DOP1B: variants seen among roughly 807,000 people sequenced by gnomAD.
The protein encoded by DOP1B is protein DOP1B.
A neutral mutation model predicts 233.5 loss-of-function variants in DOP1B; 174 were observed. The observed-to-expected ratio is 0.75, with a 90% CI of 0.66 to 0.85. DOP1B has a LOEUF of 0.85. Ranked by LOEUF, DOP1B falls within the 40% of genes least tolerant of loss-of-function variation. The pLI, the probability that DOP1B is intolerant of heterozygous loss-of-function variation, is 0.00. For missense variants in DOP1B, 2,652 were observed against 2,846.6 expected, an observed-to-expected ratio of 0.93 and a Z score of 1.56; for synonymous variants, 1,190 against 1,185.6, an observed-to-expected ratio of 1.00 and a Z score of -0.08.
chr21:36,292,261 T>C lies in DOP1B; in HGVS notation c.6645+28T>C, dbSNP rs370081525. On this transcript the variant is annotated intron_variant, in intron 36 of 36. Transcript: ENST00000691173. Reference sequence around the variant, plus strand: ...AAGTGCTTTTCTTTTCTTTTCTTTTTTTTTTTTTTTGGTGAGACAGAGTTT... The same window carrying C: ...AAGTGCTTTTCTTTTCTTTTCTTTTCTTTTTTTTTTGGTGAGACAGAGTTT... The C allele has an allele frequency of 2.8e-4, 431 of 1,532,656 alleles. No homozygotes were observed. In the East Asian group the frequency reaches 3.9e-3, roughly 14 times the overall value. 94.9% of individuals were successfully genotyped at this position (1,532,656 alleles called of 1,614,324 possible). A position where few individuals can be genotyped will look rare whatever the true frequency, so the allele number is the denominator to read the frequency against.
At position 36,251,057 on chromosome 21, in the gene DOP1B, T is replaced by C; in HGVS notation, c.4999-105T>C. ...CTCAGCACAACATTGGGCACAAACATGACAGGGTCCTTGCTCTCGGTATGG... is the reference window on the plus strand; with the variant it reads ...CTCAGCACAACATTGGGCACAAACACGACAGGGTCCTTGCTCTCGGTATGG... On this transcript the variant is annotated intron_variant, in intron 21 of 36. Transcript: ENST00000691173. 8 of 1,444,526 alleles carry C rather than the reference T, an allele frequency of 5.5e-6. No homozygotes were observed. The South Asian group carries it at 1.0e-4, about 18-fold the overall frequency. 89.5% of individuals were successfully genotyped at this position (1,444,526 alleles called of 1,614,324 possible).
intron 12 of DOP1B, among the ~76,000 whole-genome samples, chr21:36,227,075 G>A (rs1478795623): frequency 6.6e-6 from 1 of 151,558 alleles, no homozygotes; most frequent in Non-Finnish European, 1.5e-5. Flanking sequence ...GGGTGTGGTG[G>A]CGGGCGCCTG....
intron 4 of DOP1B, among the ~76,000 whole-genome samples, chr21:36,204,567 T>G (rs1405763319): frequency 6.6e-6 from 1 of 151,732 alleles, no homozygotes; most frequent in East Asian, 1.9e-4. Context: ...CACTGCAGTC[T>G]CAACCTCCAA....
At chr21:36,276,914 T>C in intron 27 of DOP1B, 107 bp from the exon 28 acceptor site, 1 of 990,538 alleles carries the variant, frequency 1.0e-6, no homozygotes, top group Non-Finnish European at 1.6e-6. Context: ...ACACAATTGG[T>C]ATGAAAGGCG....
chr21:36,261,979 T>G (rs1254815592), intron 24 of DOP1B: 2 of 984,240 alleles, frequency 2.0e-6, no homozygotes, highest in Non-Finnish European at 2.4e-6. Context: ...TATGCCTACA[T>G]AGCCATCAGG....
intron 9 of DOP1B, among the ~76,000 whole-genome samples, chr21:36,215,505 A>C (rs2066549206): frequency 6.6e-6 from 1 of 151,942 alleles, no homozygotes; most frequent in Admixed American, 6.6e-5. Context: ...GGTTCGAACA[A>C]TTAATTCTCC....
At chr21:36,287,027 A>G (rs902581140) in intron 32 of DOP1B, among the ~76,000 whole-genome samples, 3 of 152,156 alleles carry the variant, frequency 2.0e-5, no homozygotes, top group Non-Finnish European at 4.4e-5. Context: ...GATCTTAGCT[A>G]GCATGACTAC....
Position 36,227,710 on chromosome 21 carries a change from C to T in DOP1B, c.1498C>T (p.Gln500Ter). ...PLELYSEVQT[Q>*]YLPQVLGCLV... ...GGAACTTTACTCTGAGGTGCAAACC[C>T]AGTATCTCCCTCAGGTGCTCGGCTG... The change falls in exon 13 of 37, where the codon CAG becomes TAG. Residue 500 changes from glutamine to a stop codon, truncating the protein, a stop_gained. Transcript: ENST00000691173. LOFTEE classifies it high-confidence loss of function. 1 of 1,579,472 alleles carries T rather than the reference C, an allele frequency of 6.3e-7. No individual in the cohort carries two copies. The highest frequency in any genetic ancestry group is 1.1e-5 in the South Asian group (1 of 87,820).
At chr21:36,217,530 G>A (rs1462808189) in intron 9 of DOP1B, among the ~76,000 whole-genome samples, 2 of 152,170 alleles carry the variant, frequency 1.3e-5, no homozygotes, top group Non-Finnish European at 2.9e-5. Context: ...TTGCCTGATT[G>A]CACTCAGAGA....
At position 36,290,982 on chromosome 21, in the gene DOP1B, G is replaced by C. The variant is rs1311684727; in HGVS notation, c.6516-1122G>C. On this transcript the variant is annotated intron_variant, in intron 35 of 36. Coordinates refer to ENST00000691173, the MANE Select transcript of DOP1B (RefSeq NM_001320714.2). ...GAGACTCCCCCTCAAAAAAAAAAGA[G>C]GCCGGGCACAGTGGCTCATGTCTGT... 3.3e-5 allele frequency among the ~76,000 whole-genome samples: 5 copies of C among 150,084 alleles called. No homozygotes were observed. In the South Asian group the frequency reaches 1.1e-3, roughly 32 times the overall value.
At chr21:36,182,189 G>A (rs1293578403) in intron 2 of DOP1B, among the ~76,000 whole-genome samples, 1 of 152,038 alleles carries the variant, frequency 6.6e-6, no homozygotes, top group Non-Finnish European at 1.5e-5. Flanking sequence ...GAGCACCTGG[G>A]GTCATGTTCA....
intron 2 of DOP1B, among the ~76,000 whole-genome samples, chr21:36,166,861 G>T (rs1409055126): frequency 6.6e-6 from 1 of 152,364 alleles, no homozygotes; most frequent in East Asian, 1.9e-4. Context: ...CTCGTGGCCA[G>T]TAAGCTGCTG....
chr21:36,198,035 A>G (rs1601403495), intron 2 of DOP1B, among the ~76,000 whole-genome samples: 1 of 151,520 alleles, frequency 6.6e-6, no homozygotes, highest in East Asian at 1.9e-4. Context: ...AAAAAAAAAA[A>G]GAAGCGTGAA....
intron 7 of DOP1B, 125 bp downstream of exon 7, chr21:36,212,222 A>G: frequency 1.8e-6 from 2 of 1,127,654 alleles, no homozygotes; most frequent in Admixed American, 3.0e-5. Context: ...AGATACCACA[A>G]TGACTAAATA....
At chr21:36,194,441 C>G (rs749076679) in intron 2 of DOP1B, among the ~76,000 whole-genome samples, 2 of 150,986 alleles carry the variant, frequency 1.3e-5, no homozygotes, top group Non-Finnish European at 2.9e-5. Flanking sequence ...TTTCTAAGTC[C>G]TGTTGGTTCA....
chr21:36,250,461 G>A (rs2067019490), intron 21 of DOP1B, among the ~76,000 whole-genome samples: 1 of 152,150 alleles, frequency 6.6e-6, no homozygotes. Context: ...TGTGTGAACA[G>A]GAGGCCTGGC....
At chr21:36,276,240 CTG>C (rs1173437129) in intron 27 of DOP1B, among the ~76,000 whole-genome samples, 1 of 152,068 alleles carries the variant, frequency 6.6e-6, no homozygotes, top group African/African-American at 2.4e-5. Context: ...GTTGTTGAAA[CTG>C]AATGTTGGCA....
intron 2 of DOP1B, among the ~76,000 whole-genome samples, chr21:36,174,214 G>A (rs1425209618): frequency 1.3e-5 from 2 of 152,194 alleles, no homozygotes; most frequent in Non-Finnish European, 1.5e-5. Context: ...GAGGCCAGGC[G>A]TGGTGGCTCA....
At chr21:36,247,397 C>A in intron 19 of DOP1B, 120 bp from the exon 20 acceptor site, 1 of 519,288 alleles carries the variant, frequency 1.9e-6, no homozygotes, top group Admixed American at 3.9e-5. Flanking sequence ...ATGACGAGAG[C>A]TCCAGTTTAT....
Sources: gnomAD v4.1 joint callset for allele counts (sites outside exome capture counted in the v4.1 genomes callset) on GRCh38, gnomAD v4.1.1 for gene constraint, MANE v1.5 for transcripts, NCBI Gene and HGNC (gene_info 2026-07-23, HGNC 2026-07-21) for gene names.